GMDS: variants seen among roughly 807,000 people sequenced by gnomAD.
GMDS encodes GDP-mannose 4,6-dehydratase.
GMDS carries 20 observed loss-of-function variants against 49.9 expected under a neutral mutation model. The observed-to-expected ratio is 0.40, with a 90% confidence interval of 0.28 to 0.58. The LOEUF is 0.58. Among genes scored for constraint, GMDS ranks in the 20% least tolerant of loss-of-function variants. The pLI, the probability that GMDS is intolerant of heterozygous loss-of-function variation, is 0.42. For missense variants in GMDS, 362 were observed against 481.4 expected (o/e 0.75, Z 2.32); for synonymous variants, 177 against 178.6 (o/e 0.99, Z 0.07).
At chr6:2,016,079 A>AT (rs1213983034) in intron 4 of GMDS, among the ~76,000 whole-genome samples, 14 of 95,564 alleles carry the variant, frequency 1.5e-4, no homozygotes, top group African/African-American at 5.6e-4. Flanking sequence ...AAAAAAAAAA[A>AT]AATAAATTAA....
At chr6:2,056,384 C>T (rs1488305187) in intron 4 of GMDS, among the ~76,000 whole-genome samples, 1 of 152,158 alleles carries the variant, frequency 6.6e-6, no homozygotes, top group Admixed American at 6.5e-5. Flanking sequence ...CATGTAAGTA[C>T]CTCTGTTTTT....
chr6:2,113,674 G>T (rs764903064), intron 4 of GMDS, among the ~76,000 whole-genome samples: 10 of 151,918 alleles, frequency 6.6e-5, no homozygotes, highest in Non-Finnish European at 1.3e-4. Flanking sequence ...ACCCCCAGAC[G>T]GAAGTTCTCT....
At chr6:1,952,260 T>C (rs1763379588) in intron 6 of GMDS, 1 of 152,194 alleles carries the variant, frequency 6.6e-6, no homozygotes, top group Non-Finnish European at 1.5e-5. Context: ...AAATAGTATC[T>C]AATGGCTTAA....
intron 7 of GMDS, among the ~76,000 whole-genome samples, chr6:1,751,013 C>T (rs915187210): frequency 6.6e-6 from 1 of 152,184 alleles, no homozygotes; most frequent in East Asian, 1.9e-4. Flanking sequence ...GGCCAGACTG[C>T]CTCTCTAGAT....
chr6:1,932,790 G>C (rs2127246015), intron 6 of GMDS, among the ~76,000 whole-genome samples: 1 of 152,152 alleles, frequency 6.6e-6, no homozygotes, highest in East Asian at 1.9e-4. Context: ...CACCTGCCTT[G>C]GCCTCCGAAA....
chr6:1,948,530 A>G (rs1763192780), intron 6 of GMDS, among the ~76,000 whole-genome samples: 1 of 152,128 alleles, frequency 6.6e-6, no homozygotes, highest in Non-Finnish European at 1.5e-5. Context: ...GGTAGTGTAC[A>G]CCTGTCGACC....
chr6:1,995,209 G>A (rs1766203370), intron 4 of GMDS, among the ~76,000 whole-genome samples: 1 of 152,150 alleles, frequency 6.6e-6, no homozygotes, highest in African/African-American at 2.4e-5. Flanking sequence ...GGGAGGGTAG[G>A]TGTTGTGCCA....
chr6:2,177,319 C>T (rs1195599295), intron 1 of GMDS, among the ~76,000 whole-genome samples: 1 of 152,094 alleles, frequency 6.6e-6, no homozygotes, highest in Non-Finnish European at 1.5e-5. Context: ...AAGACAAAAA[C>T]AACTAGACAA....
chr6:2,103,102 T>A (rs1340439686), intron 4 of GMDS, among the ~76,000 whole-genome samples: 1 of 152,176 alleles, frequency 6.6e-6, no homozygotes, highest in African/African-American at 2.4e-5. Flanking sequence ...TGTTTAATGC[T>A]TCATTAAAAC....
intron 1 of GMDS, among the ~76,000 whole-genome samples, chr6:2,166,996 A>G (rs921680010): frequency 6.6e-6 from 1 of 152,218 alleles, no homozygotes; most frequent in Non-Finnish European, 1.5e-5. Flanking sequence ...TTCAATTGCA[A>G]TTGCATAGTC....
intron 1 of GMDS, among the ~76,000 whole-genome samples, chr6:2,210,507 A>G (rs1167157269): frequency 6.6e-6 from 1 of 152,164 alleles, no homozygotes; most frequent in Non-Finnish European, 1.5e-5. Flanking sequence ...GGACGGGCTA[A>G]GACATGAGTA....
At chr6:1,713,246 C>G (rs1766040600) in intron 9 of GMDS, among the ~76,000 whole-genome samples, 1 of 152,264 alleles carries the variant, frequency 6.6e-6, no homozygotes, top group Non-Finnish European at 1.5e-5. Flanking sequence ...ATTCCCTTGG[C>G]CACTGCGGTC....
intron 1 of GMDS, among the ~76,000 whole-genome samples, chr6:2,227,201 T>C (rs1468442548): frequency 1.3e-5 from 2 of 152,108 alleles, no homozygotes; most frequent in Non-Finnish European, 2.9e-5. Flanking sequence ...TATTTCCATA[T>C]ATATGTCATA....
chr6:2,139,052 T>G (rs140636913), intron 1 of GMDS, among the ~76,000 whole-genome samples: 1 of 152,146 alleles, frequency 6.6e-6, no homozygotes, highest in Admixed American at 6.5e-5. Context: ...TATATATCAC[T>G]TAAACATTTC....
intron 9 of GMDS, among the ~76,000 whole-genome samples, chr6:1,692,097 T>G (rs1359743300): frequency 6.6e-6 from 1 of 152,216 alleles, no homozygotes; most frequent in African/African-American, 2.4e-5. Flanking sequence ...GGCCTCCATC[T>G]TCCTCCCATG....
intron 7 of GMDS, among the ~76,000 whole-genome samples, chr6:1,823,287 ACAC>A (rs1422864746): frequency 6.6e-6 from 1 of 152,170 alleles, no homozygotes; most frequent in Non-Finnish European, 1.5e-5. Context: ...ATATATCGTG[ACAC>A]CAAATTAATA....
intron 9 of GMDS, among the ~76,000 whole-genome samples, chr6:1,708,586 T>C (rs1765824720): frequency 6.6e-6 from 1 of 152,250 alleles, no homozygotes; most frequent in Non-Finnish European, 1.5e-5. Flanking sequence ...GGTTTAGATC[T>C]TGGGAAAAGC....
chr6:2,164,624 C>G (rs1379856829), intron 1 of GMDS, among the ~76,000 whole-genome samples: 1 of 152,208 alleles, frequency 6.6e-6, no homozygotes, highest in East Asian at 1.9e-4. Flanking sequence ...ACATCCCCAT[C>G]CCAACTTTCG....
At chr6:2,200,675 T>C (rs913298312) in intron 1 of GMDS, among the ~76,000 whole-genome samples, 1 of 141,514 alleles carries the variant, frequency 7.1e-6, no homozygotes, top group South Asian at 2.3e-4. Context: ...TGAAACCATC[T>C]AGGCAGTGAG....
Sources: allele counts gnomAD v4.1 joint callset (sites outside exome capture counted in the v4.1 genomes callset), GRCh38; gene constraint gnomAD v4.1.1; transcripts MANE v1.5; gene names NCBI Gene and HGNC (gene_info 2026-07-23, HGNC 2026-07-21).